Variants in RASGEF1C observed in about 807,000 individuals in gnomAD.
The protein encoded by RASGEF1C is ras-GEF domain-containing family member 1C.
A neutral mutation model predicts 58.1 loss-of-function variants in RASGEF1C; 27 were observed. The ratio of observed to expected loss-of-function variants is 0.46; its 90% CI spans 0.34 to 0.64. RASGEF1C has a LOEUF of 0.64. Among genes scored for constraint, RASGEF1C ranks in the 30% least tolerant of loss-of-function variants. The pLI, the probability that RASGEF1C is intolerant of heterozygous loss-of-function variation, is 0.01. For synonymous variants in RASGEF1C, 243 were observed against 246.3 expected (o/e 0.99, Z 0.13); for missense variants, 502 against 605.1 (o/e 0.83, Z 1.79).
rs1407385426 is a variant in RASGEF1C at position 180,209,019 on chromosome 5, A to G, written c.-7+9T>C. ...ACCGCCAGGTGTCCCTCGGCCGCGC[A>G]CCACTCACCGGCTCCCGGCGCGCCG... On this transcript the variant is annotated intron_variant, in intron 1 of 13. Transcript: ENST00000361132. The G allele has an allele frequency of 6.9e-6, 1 of 144,156 alleles. No homozygotes were observed. The highest frequency in any genetic ancestry group is 1.5e-5 in the Non-Finnish European group (1 of 65,124). 8.9% of individuals were successfully genotyped at this position (144,156 alleles called of 1,614,324 possible).
intron 1 of RASGEF1C, among the ~76,000 whole-genome samples, chr5:180,165,071 A>C (rs546192323): frequency 6.6e-6 from 1 of 152,240 alleles, no homozygotes; most frequent in South Asian, 2.1e-4. Flanking sequence ...GTCTGTTATT[A>C]ATATAGCCAC....
chr5:180,191,478 T>C (rs1375240886), intron 1 of RASGEF1C, among the ~76,000 whole-genome samples: 1 of 152,138 alleles, frequency 6.6e-6, no homozygotes, highest in African/African-American at 2.4e-5. Flanking sequence ...TGCCTCAGCC[T>C]CCCAAGTAGC....
At chr5:180,128,727 G>A in intron 4 of RASGEF1C, 117 bp from the exon 5 acceptor site, 1 of 1,029,374 alleles carries the variant, frequency 9.7e-7, no homozygotes, top group East Asian at 2.6e-5. Context: ...GGTCTCTGGA[G>A]AAAAGGCCAG....
At chr5:180,203,065 T>A (rs1756424818) in intron 1 of RASGEF1C, among the ~76,000 whole-genome samples, 1 of 152,128 alleles carries the variant, frequency 6.6e-6, no homozygotes, top group Non-Finnish European at 1.5e-5. Flanking sequence ...AAAGGGTGAC[T>A]GGGAAAACTT....
intron 1 of RASGEF1C, among the ~76,000 whole-genome samples, chr5:180,151,972 TC>T: frequency 6.6e-6 from 1 of 150,898 alleles, no homozygotes; most frequent in Non-Finnish European, 1.5e-5. Context: ...GAAAAAATGC[TC>T]ATCATCACTG....
rs373164366 is a variant in RASGEF1C, at chr5:180,168,950, G to A, written c.-6-30892C>T. 2.8e-4 allele frequency among the ~76,000 whole-genome samples: 43 copies of A among 152,190 alleles called. No individual in the cohort carries two copies. The South Asian group carries it at 8.8e-3, about 31-fold the overall frequency. ...GGCTTGGCTAGAGCGGGGGAAAAAC[G>A]GCAAACCTACTTCCAGCTGGGTAGT... On this transcript the variant is annotated intron_variant, in intron 1 of 13. Coordinates refer to ENST00000361132, the MANE Select transcript of RASGEF1C (RefSeq NM_175062.4). The surrounding 1 kb of genome is among the most constrained non-coding windows in gnomAD (Gnocchi z 6.0).
intron 1 of RASGEF1C, among the ~76,000 whole-genome samples, chr5:180,189,708 G>C (rs1316139304): frequency 4.6e-5 from 7 of 151,912 alleles, no homozygotes; most frequent in Non-Finnish European, 7.4e-5. Context: ...GATCACCTGA[G>C]GTCAAAAGTT....
chr5:180,136,357 G>T, intron 4 of RASGEF1C, 21 bp downstream of exon 4: 1 of 1,547,798 alleles, frequency 6.5e-7, no homozygotes, highest in Non-Finnish European at 8.7e-7. Flanking sequence ...AGGGTGACGC[G>T]ACCCCCGCCC....
rs1451712719 is a variant in RASGEF1C, at chr5:180,110,427, C to T, written c.1303+1030G>A. 2.3e-5 allele frequency among the ~76,000 whole-genome samples: 3 copies of T among 129,762 alleles called. No individual in the cohort carries two copies. In the East Asian group the frequency reaches 6.7e-4, roughly 29 times the overall value. The allele number at this position is 129,762 out of a possible 152,430, so 85.1% of individuals were successfully genotyped here. Reference sequence around the variant, plus strand: ...TTTTTTTTGGAGAAAGTAAAAGTGCCCACTGAGCCTAAGTGTGGGTCCCTC... The same window carrying T: ...TTTTTTTTGGAGAAAGTAAAAGTGCTCACTGAGCCTAAGTGTGGGTCCCTC... On this transcript the variant is annotated intron_variant, in intron 12 of 13. Coordinates refer to ENST00000361132, the MANE Select transcript of RASGEF1C (RefSeq NM_175062.4).
intron 5 of RASGEF1C, 62 bp from the exon 6 acceptor site, chr5:180,127,745 G>C: frequency 6.6e-7 from 1 of 1,507,908 alleles, no homozygotes; most frequent in Non-Finnish European, 9.0e-7. Flanking sequence ...TGTCCACTGG[G>C]GGGCCTGCCG....
chr5:180,161,743 G>A (rs1472499206), intron 1 of RASGEF1C, among the ~76,000 whole-genome samples: 2 of 152,238 alleles, frequency 1.3e-5, no homozygotes, highest in East Asian at 1.9e-4. Flanking sequence ...CCTCCTGCGC[G>A]TGGCTGACGC....
At chr5:180,162,988 A>G (rs10078578) in intron 1 of RASGEF1C, among the ~76,000 whole-genome samples, 97,474 of 151,894 alleles carry the variant, frequency 0.64, 31,834 homozygotes, top group Non-Finnish European at 0.71. Context: ...GGGGGCTGGG[A>G]GTAGCTATAG....
At position 180,125,146 on chromosome 5, in the gene RASGEF1C, A is replaced by C. The variant is rs115433954; in HGVS notation, c.714+2463T>G. Among the ~76,000 whole-genome samples the C allele has an allele frequency of 4.6e-3, 700 of 152,318 alleles. 1 individual carries two copies. The highest frequency in any genetic ancestry group is 0.01 in the Middle Eastern group (3 of 292). The stretch of plus-strand genomic sequence containing the variant: ...AGACTCTGTCTCAAAAATACCAACA[A>C]CAACAACAACAAAAAACCCAAAACA... On this transcript the variant is annotated intron_variant, in intron 6 of 13. Transcript: ENST00000361132.
chr5:180,161,712 A>T (rs576913728), intron 1 of RASGEF1C, among the ~76,000 whole-genome samples: 7 of 152,198 alleles, frequency 4.6e-5, no homozygotes, highest in Non-Finnish European at 5.9e-5. Flanking sequence ...ATTCGCGCCC[A>T]TCTCTGCCGG....
At chr5:180,136,239 A>T (rs1212775566) in intron 4 of RASGEF1C, 139 bp downstream of exon 4, 7 of 880,532 alleles carry the variant, frequency 7.9e-6, no homozygotes, top group Non-Finnish European at 1.2e-5. Context: ...ATTCCTTGAT[A>T]GGCCAGAAAG....
chr5:180,170,252 G>A (rs1474271628), intron 1 of RASGEF1C, among the ~76,000 whole-genome samples: 1 of 152,244 alleles, frequency 6.6e-6, no homozygotes, highest in Non-Finnish European at 1.5e-5. Flanking sequence ...GAGAGCTCAG[G>A]AGGCCCTGGC....
chr5:180,207,356 T>C (rs1756506645), intron 1 of RASGEF1C, among the ~76,000 whole-genome samples: 1 of 152,244 alleles, frequency 6.6e-6, no homozygotes, highest in Non-Finnish European at 1.5e-5. Flanking sequence ...CTTGGTCCAC[T>C]GACAAGGCCT....
At chr5:180,170,074 G>A (rs1031691463) in intron 1 of RASGEF1C, among the ~76,000 whole-genome samples, 1 of 152,204 alleles carries the variant, frequency 6.6e-6, no homozygotes, top group Non-Finnish European at 1.5e-5. Flanking sequence ...TCTCCCCAGG[G>A]ACTGGGAGCT....
chr5:180,139,039 T>C (rs1219904421), intron 1 of RASGEF1C, among the ~76,000 whole-genome samples: 1 of 152,142 alleles, frequency 6.6e-6, no homozygotes, highest in Non-Finnish European at 1.5e-5. Flanking sequence ...AAAGGCCAGC[T>C]GCAGCCGTTA....
Sources: allele counts gnomAD v4.1 joint callset (sites outside exome capture counted in the v4.1 genomes callset), GRCh38; gene constraint gnomAD v4.1.1; non-coding constraint Gnocchi (gnomAD v3.1); transcripts MANE v1.5; gene names NCBI Gene and HGNC (gene_info 2026-07-23, HGNC 2026-07-21).